DHCR24: variants seen among roughly 807,000 people sequenced by gnomAD.
DHCR24 encodes delta(24)-sterol reductase.
DHCR24 carries 28 observed loss-of-function variants against 61.2 expected under a neutral mutation model. That is an observed-to-expected ratio of 0.46 (90% CI 0.34 to 0.63). The LOEUF (loss-of-function observed/expected upper bound fraction) is 0.63. Among genes scored for constraint, DHCR24 ranks in the 20% least tolerant of loss-of-function variants. The probability of loss-of-function intolerance (pLI) is 0.01; values close to 1 mark genes in which losing one functional copy is unlikely to be tolerated. For synonymous variants in DHCR24, 261 were observed against 275.9 expected, an observed-to-expected ratio of 0.95 and a Z score of 0.54; for missense variants, 538 against 679.1, an observed-to-expected ratio of 0.79 and a Z score of 2.31.
intron 6 of DHCR24, among the ~76,000 whole-genome samples, 164 bp from the exon 7 acceptor site, chr1:54,854,398 G>A (rs528232399): frequency 1.4e-4 from 21 of 152,340 alleles, no homozygotes; most frequent in African/African-American, 4.8e-4. Context: ...GACTTTACCA[G>A]TCCAATCTAG....
intron 6 of DHCR24, among the ~76,000 whole-genome samples, chr1:54,859,474 C>CTT (rs893384331): frequency 1.6e-4 from 24 of 150,278 alleles, no homozygotes; most frequent in African/African-American, 5.6e-4. Flanking sequence ...CCAACAGTTC[C>CTT]TTTTTTTTTT....
intron 2 of DHCR24, among the ~76,000 whole-genome samples, chr1:54,880,277 C>T (rs1210841532): frequency 6.6e-6 from 1 of 152,040 alleles, no homozygotes; most frequent in Non-Finnish European, 1.5e-5. Flanking sequence ...CAAAGCTAAC[C>T]CAAGAAGAAA....
In DHCR24 at chr1:54,852,852, G is replaced by A. The variant is rs549816885; in HGVS notation, c.1398-466C>T. Among the ~76,000 whole-genome samples, 11 of 152,266 alleles carry A rather than the reference G, an allele frequency of 7.2e-5. No individual in the cohort carries two copies. The Middle Eastern group carries it at 0.01, about 141-fold the overall frequency. On this transcript the variant is annotated intron_variant, in intron 8 of 8. Coordinates refer to ENST00000371269, the MANE Select transcript of DHCR24 (RefSeq NM_014762.4). ...CCCCAAACTTTCCCCATGCCCCTTA[G>A]TTATCCGTTGCCCTCTGCCATCCCC...
intron 8 of DHCR24, 81 bp from the exon 9 acceptor site, chr1:54,852,467 G>A: frequency 6.6e-7 from 1 of 1,517,038 alleles, no homozygotes. Flanking sequence ...TGCTCATTCT[G>A]CAGCCCAGAA....
intron 7 of DHCR24, 114 bp from the exon 8 acceptor site, chr1:54,853,726 C>G (rs1478911686): frequency 1.2e-5 from 14 of 1,214,830 alleles, no homozygotes; most frequent in Non-Finnish European, 1.5e-5. Context: ...TCAAGACCCC[C>G]TCAGGTGCTC....
chr1:54,878,218 G>C (rs1647044687), intron 2 of DHCR24, among the ~76,000 whole-genome samples: 1 of 151,516 alleles, frequency 6.6e-6, no homozygotes, highest in Admixed American at 6.6e-5. Context: ...AAGACAACAG[G>C]TAATAGGCTA....
At chr1:54,875,803 A>C in intron 3 of DHCR24, 139 bp downstream of exon 3, 2 of 725,490 alleles carry the variant, frequency 2.8e-6, no homozygotes, top group South Asian at 3.0e-5. Context: ...TCATTGGAGC[A>C]GGCAAGTAAG....
chr1:54,861,694 C>A (rs72673883), intron 6 of DHCR24, among the ~76,000 whole-genome samples: 3,801 of 152,280 alleles, frequency 0.025, 136 homozygotes, highest in East Asian at 0.18. Flanking sequence ...TACTCTGTAC[C>A]CCAGCAACAC....
chr1:54,863,683 A>C (rs947946247), intron 6 of DHCR24, among the ~76,000 whole-genome samples: 5 of 152,232 alleles, frequency 3.3e-5, no homozygotes. Context: ...GCACAAACAA[A>C]AGGGAAAATA....
intron 8 of DHCR24, 151 bp from the exon 9 acceptor site, chr1:54,852,537 G>C: frequency 3.3e-6 from 3 of 896,644 alleles, no homozygotes; most frequent in East Asian, 2.6e-5. Flanking sequence ...AGATGGTGCA[G>C]GTATTCTTAT....
intron 6 of DHCR24, 138 bp from the exon 7 acceptor site, chr1:54,854,372 G>A (rs1172135139): frequency 7.6e-5 from 54 of 709,482 alleles, no homozygotes; most frequent in Non-Finnish European, 3.5e-5. Context: ...TTTGGAGGGG[G>A]TGTGATGGGA....
chr1:54,877,936 A>G (rs1245127554), intron 2 of DHCR24, among the ~76,000 whole-genome samples: 1 of 151,336 alleles, frequency 6.6e-6, no homozygotes, highest in African/African-American at 2.4e-5. Flanking sequence ...ACTTGAACCC[A>G]TGGAGGTTGC....
intron 5 of DHCR24, among the ~76,000 whole-genome samples, chr1:54,865,730 A>G (rs1646964832): frequency 6.6e-6 from 1 of 152,126 alleles, no homozygotes; most frequent in Non-Finnish European, 1.5e-5. Context: ...GCCTGGTGCA[A>G]GTGTTTAACA....
At chr1:54,867,968 G>C (rs1479982684) in intron 5 of DHCR24, among the ~76,000 whole-genome samples, 1 of 152,236 alleles carries the variant, frequency 6.6e-6, no homozygotes, top group African/African-American at 2.4e-5. Context: ...GGAGTCAGAA[G>C]CTGGAATTTA....
At chr1:54,860,994 GAAAA>G (rs10547670) in intron 6 of DHCR24, among the ~76,000 whole-genome samples, 48 of 143,588 alleles carry the variant, frequency 3.3e-4, no homozygotes, top group Middle Eastern at 3.6e-3. Flanking sequence ...TCTCAAAAAA[GAAAA>G]AAAAAAAAAA....
chr1:54,854,190 A>C lies in DHCR24; in HGVS notation c.1065T>G (p.Phe355Leu), dbSNP rs1272417426. Residue 355 changes from phenylalanine (F) to leucine (L), a missense_variant, in exon 7 of 9, where the codon TTT (phenylalanine) becomes TTG (leucine). Transcript: ENST00000371269. ...AGATCTTGGGAGGCACCATCCAGCC[A>C]AAGAGGTAGCGGAAGATGGGGTTGT... is the stretch of plus-strand genomic sequence containing the variant. Reference protein sequence around the residue: ...FGNNPIFRYLFGWMVPPKISL... With the variant: ...FGNNPIFRYLLGWMVPPKISL... 3 of 1,614,092 alleles carry C rather than the reference A, an allele frequency of 1.9e-6. No homozygotes were observed.
Position 54,852,011 on chromosome 1 carries a change from CG to C in DHCR24, c.*221del, listed in dbSNP as rs1646878049. On this transcript the variant is annotated 3_prime_UTR_variant, in exon 9 of 9. Coordinates refer to ENST00000371269, the MANE Select transcript of DHCR24 (RefSeq NM_014762.4). ...AGTCACACAGCTAATGAGTTCTAAA[CG>C]GGGAACTGGACTCAGGCTTGTCTGA... 5.0e-6 allele frequency: 3 copies of C among 595,364 alleles called. No individual in the cohort carries two copies. The Admixed American group carries it at 8.9e-5, about 18-fold the overall frequency. 36.9% of individuals were successfully genotyped at this position (595,364 alleles called of 1,614,324 possible). A position where few individuals can be genotyped will look rare whatever the true frequency, so the allele number is the denominator to read the frequency against.
Position 54,874,949 on chromosome 1 carries a change from C to T in DHCR24, c.612+144G>A, listed in dbSNP as rs955649412. 2.0e-5 allele frequency: 15 copies of T among 757,864 alleles called. No individual in the cohort carries two copies. The African/African-American group carries it at 2.6e-4, about 13-fold the overall frequency. 46.9% of individuals were successfully genotyped at this position (757,864 alleles called of 1,614,324 possible). On this transcript the variant is annotated intron_variant, in intron 4 of 8. Coordinates refer to ENST00000371269, the MANE Select transcript of DHCR24 (RefSeq NM_014762.4). ...ACATTGCCTAAGCTCATATAAGGGG[C>T]TACACAAATTTTTGTTTACAGATAT...
intron 6 of DHCR24, among the ~76,000 whole-genome samples, chr1:54,858,871 G>C (rs12118627): frequency 6.6e-6 from 1 of 152,098 alleles, no homozygotes; most frequent in South Asian, 2.1e-4. Context: ...CCTGACCTCA[G>C]GTGATCCGCC....
Sources: gnomAD v4.1 joint callset for allele counts (sites outside exome capture counted in the v4.1 genomes callset) on GRCh38, gnomAD v4.1.1 for gene constraint, MANE v1.5 for transcripts, NCBI Gene and HGNC (gene_info 2026-07-23, HGNC 2026-07-21) for gene names.